Variants in TTBK2 observed in about 807,000 individuals in gnomAD.
TTBK2 encodes the protein tau-tubulin kinase 2.
A neutral mutation model predicts 110.8 loss-of-function variants in TTBK2; 28 were observed. The observed-to-expected ratio is 0.25, with a 90% confidence interval of 0.19 to 0.35. The LOEUF is 0.35. Ranked by LOEUF, TTBK2 falls within the 10% of genes least tolerant of loss-of-function variation. The pLI, the probability that TTBK2 is intolerant of heterozygous loss-of-function variation, is 1.00. For synonymous variants in TTBK2, 532 were observed against 527.3 expected (o/e 1.01, Z -0.12); for missense variants, 1,369 against 1,500.3 (o/e 0.91, Z 1.45).
intron 1 of TTBK2, among the ~76,000 whole-genome samples, chr15:42,888,992 T>G (rs965842299): frequency 3.9e-5 from 6 of 152,154 alleles, no homozygotes; most frequent in Admixed American, 3.9e-4. Flanking sequence ...CCAAGGACAA[T>G]ATCTCTTTCC....
intron 10 of TTBK2, 73 bp downstream of exon 10, chr15:42,794,571 C>A: frequency 6.2e-7 from 1 of 1,605,494 alleles, no homozygotes; most frequent in Non-Finnish European, 8.5e-7. Flanking sequence ...CTGAGGGAAT[C>A]TGGATGAAGT....
rs1186224004 is a variant in TTBK2, at chr15:42,743,624, C to G, written c.*2171G>C. ...TTTAAAAATCTGTCAGACTCATCAT[C>G]ATCCCAGTTTATCCACTCTAACTAT... On this transcript the variant is annotated 3_prime_UTR_variant, in exon 15 of 15. Transcript: ENST00000267890. 1 of 152,202 alleles carries G rather than the reference C, an allele frequency of 6.6e-6. No homozygotes were observed. Among genetic ancestry groups the G allele is most frequent in the African/African-American group, 2.4e-5 (1 of 41,454 alleles). The allele number at this position is 152,202 out of a possible 1,614,324, so 9.4% of individuals were successfully genotyped here.
chr15:42,919,300 TA>T (rs889336477), intron 1 of TTBK2, among the ~76,000 whole-genome samples: 1 of 151,566 alleles, frequency 6.6e-6, no homozygotes, highest in Admixed American at 6.6e-5. Flanking sequence ...AAAAAGGAAA[TA>T]AAGCAAGCAA....
chr15:42,797,641 G>A (rs1891001905), intron 9 of TTBK2, among the ~76,000 whole-genome samples: 1 of 152,046 alleles, frequency 6.6e-6, no homozygotes, highest in African/African-American at 2.4e-5. Flanking sequence ...GACAAGTCAG[G>A]GACTTACTTT....
At chr15:42,802,257 C>A in intron 9 of TTBK2, 1 of 813,398 alleles carries the variant, frequency 1.2e-6, no homozygotes. Flanking sequence ...ATCCTGCACC[C>A]AGGCCACCCC....
chr15:42,746,221 G>A lies in TTBK2; in HGVS notation c.3309C>T (p.Ser1103=), dbSNP rs544112593. The part of the protein sequence containing the change: ...RRYKVLGSSN[S]DSDLFSRLAQ... The stretch of plus-strand genomic sequence containing the variant: ...CCAGGCGGGAGAAAAGGTCTGAGTC[G>A]GAGTTACTACTCCCTAGGACTTTAT... The change falls in exon 15 of 15, where the codon TCC becomes TCT. Residue 1103 remains serine, a synonymous_variant. Coordinates refer to ENST00000267890, the MANE Select transcript of TTBK2 (RefSeq NM_173500.4). 3.5e-5 allele frequency: 57 copies of A among 1,614,062 alleles called. No homozygotes were observed. The highest frequency in any genetic ancestry group is 3.3e-4 in the Middle Eastern group (2 of 6,062).
chr15:42,829,627 T>C (rs1445335244), intron 5 of TTBK2, among the ~76,000 whole-genome samples: 1 of 152,112 alleles, frequency 6.6e-6, no homozygotes, highest in Admixed American at 6.6e-5. Flanking sequence ...CTCCCTCTCC[T>C]GTACTCAAGG....
intron 1 of TTBK2, among the ~76,000 whole-genome samples, chr15:42,893,686 G>C (rs960001921): frequency 1.4e-4 from 21 of 150,082 alleles, no homozygotes; most frequent in Admixed American, 2.6e-4. Flanking sequence ...AAATCAATGA[G>C]ACCAAAAGCC....
At chr15:42,788,128 G>A (rs1201513636) in intron 10 of TTBK2, among the ~76,000 whole-genome samples, 5 of 152,056 alleles carry the variant, frequency 3.3e-5, no homozygotes, top group East Asian at 3.8e-4. Context: ...TATATGCGGT[G>A]TATCACTGAT....
At position 42,815,986 on chromosome 15, in the gene TTBK2, G is replaced by A. The variant is rs1372789402; in HGVS notation, c.603+1046C>T. ...ATATATATATATATATATTTGAGAC[G>A]GAGTCTTGCTCTGTCTCAAATTTGG... On this transcript the variant is annotated intron_variant, in intron 7 of 14. Transcript: ENST00000267890. Among the ~76,000 whole-genome samples the A allele has an allele frequency of 3.3e-3, 215 of 65,884 alleles. 8 individuals are homozygous for A. The highest frequency in any genetic ancestry group is 0.02 in the African/African-American group (188 of 9,444). 43.2% of individuals were successfully genotyped at this position (65,884 alleles called of 152,430 possible).
At chr15:42,831,111 CAT>C (rs1892742854) in intron 4 of TTBK2, among the ~76,000 whole-genome samples, 1 of 151,784 alleles carries the variant, frequency 6.6e-6, no homozygotes, top group Admixed American at 6.6e-5. Context: ...TACTGCCTAA[CAT>C]ATATTCTCAT....
intron 6 of TTBK2, among the ~76,000 whole-genome samples, chr15:42,824,392 GT>G (rs1366395120): frequency 6.6e-6 from 1 of 152,092 alleles, no homozygotes; most frequent in Non-Finnish European, 1.5e-5. Flanking sequence ...CAATTTCCCA[GT>G]TTTGACAATG....
At chr15:42,804,372 T>C (rs1418859530) in intron 9 of TTBK2, among the ~76,000 whole-genome samples, 1 of 149,714 alleles carries the variant, frequency 6.7e-6, no homozygotes, top group African/African-American at 2.5e-5. Context: ...ACCCAGGAGG[T>C]AGAGGTTGCA....
intron 9 of TTBK2, among the ~76,000 whole-genome samples, chr15:42,804,305 G>A (rs1483314381): frequency 8.6e-5 from 13 of 151,918 alleles, no homozygotes; most frequent in African/African-American, 2.7e-4. Flanking sequence ...TTAGCTGGGC[G>A]TGGTAGCACA....
At chr15:42,848,362 G>A (rs1893554037) in intron 3 of TTBK2, among the ~76,000 whole-genome samples, 1 of 152,024 alleles carries the variant, frequency 6.6e-6, no homozygotes, top group South Asian at 2.1e-4. Flanking sequence ...ATCAATTGGG[G>A]AGAATCAACA....
At chr15:42,826,763 T>C (rs1892551439) in intron 6 of TTBK2, among the ~76,000 whole-genome samples, 1 of 152,232 alleles carries the variant, frequency 6.6e-6, no homozygotes, top group African/African-American at 2.4e-5. Flanking sequence ...TCATGAATCA[T>C]TCTTTGCTCA....
intron 3 of TTBK2, among the ~76,000 whole-genome samples, chr15:42,852,718 T>C (rs1466715592): frequency 6.6e-6 from 1 of 152,188 alleles, no homozygotes; most frequent in Non-Finnish European, 1.5e-5. Context: ...CAGATAATGT[T>C]ACATCTTCCA....
At chr15:42,855,566 GATA>G (rs1395768760) in intron 3 of TTBK2, among the ~76,000 whole-genome samples, 1 of 152,152 alleles carries the variant, frequency 6.6e-6, no homozygotes, top group Non-Finnish European at 1.5e-5. Flanking sequence ...GCTTCAAAAG[GATA>G]ATGATTTCAA....
intron 1 of TTBK2, among the ~76,000 whole-genome samples, chr15:42,897,333 C>T (rs758026380): frequency 8.6e-5 from 13 of 151,956 alleles, no homozygotes; most frequent in Non-Finnish European, 1.6e-4. Flanking sequence ...ATTTTTTTTA[C>T]TATTAATAAC....
Sources: allele counts gnomAD v4.1 joint callset (sites outside exome capture counted in the v4.1 genomes callset), GRCh38; gene constraint gnomAD v4.1.1; transcripts MANE v1.5; gene names NCBI Gene and HGNC (gene_info 2026-07-23, HGNC 2026-07-21).